Variants in TTC27 observed in about 807,000 individuals in gnomAD.
The protein encoded by TTC27 is tetratricopeptide repeat domain 27, also known as tetratricopeptide repeat protein 27.
In TTC27, 79 loss-of-function variants were observed where a neutral mutation model predicts 115.9. That is an observed-to-expected ratio of 0.68 (90% CI 0.57 to 0.82). The LOEUF is 0.82. Ranked by LOEUF, TTC27 falls within the 40% of genes least tolerant of loss-of-function variation. The pLI is 0.00. For missense variants in TTC27, 1,054 were observed against 993.1 expected, an observed-to-expected ratio of 1.06 and a Z score of -0.82; for synonymous variants, 401 against 356.0, an observed-to-expected ratio of 1.13 and a Z score of -1.42.
intron 7 of TTC27, 134 bp downstream of exon 7, chr2:32,666,902 C>A: frequency 9.2e-7 from 1 of 1,090,996 alleles, no homozygotes; most frequent in Non-Finnish European, 1.2e-6. Flanking sequence ...TTAAAGGTTG[C>A]TGAGTCAGGG....
Position 32,755,070 on chromosome 2 carries a change from C to T in TTC27, c.1453-3222C>T, listed in dbSNP as rs184397656. 2.9e-3 allele frequency among the ~76,000 whole-genome samples: 444 copies of T among 152,050 alleles called. 7 individuals carry two copies. The East Asian group carries it at 0.047, about 16-fold the overall frequency. ...CTCCACACTTCTCAGACGGGGCGGC[C>T]GGGCAGAGACGCTCCTCACTTCCTA... On this transcript the variant is annotated intron_variant, in intron 12 of 19. Transcript: ENST00000317907.
chr2:32,660,278 T>C (rs13036103), intron 5 of TTC27, among the ~76,000 whole-genome samples: 2 of 152,174 alleles, frequency 1.3e-5, no homozygotes, highest in African/African-American at 4.8e-5. Flanking sequence ...GATGATGAGC[T>C]TTTTTTCATA....
chr2:32,713,811 G>A (rs992943615), intron 10 of TTC27, among the ~76,000 whole-genome samples: 1 of 152,114 alleles, frequency 6.6e-6, no homozygotes, highest in Non-Finnish European at 1.5e-5. Context: ...TGTGCAAGTT[G>A]TTAAGTAGGT....
At chr2:32,785,807 G>A (rs1395533848) in intron 15 of TTC27, among the ~76,000 whole-genome samples, 1 of 152,108 alleles carries the variant, frequency 6.6e-6, no homozygotes, top group Non-Finnish European at 1.5e-5. Context: ...TGTTGGTCAG[G>A]ATGGCCTTGA....
intron 12 of TTC27, among the ~76,000 whole-genome samples, chr2:32,750,427 T>C (rs1019777576): frequency 6.6e-6 from 1 of 152,222 alleles, no homozygotes; most frequent in East Asian, 1.9e-4. Context: ...ACTTCTGCCT[T>C]TGAAATCCTT....
intron 1 of TTC27, among the ~76,000 whole-genome samples, chr2:32,628,731 T>C (rs2063532046): frequency 7.0e-6 from 1 of 142,368 alleles, no homozygotes; most frequent in Non-Finnish European, 1.5e-5. Context: ...TAAGTAATTT[T>C]ATTTTATCTA....
chr2:32,795,134 A>C (rs1335271569), intron 16 of TTC27, among the ~76,000 whole-genome samples: 11 of 12,248 alleles, frequency 9.0e-4, no homozygotes, highest in African/African-American at 6.3e-3. Flanking sequence ...CATTACAAGA[A>C]AAAAAAAAAA....
At chr2:32,695,888 G>C (rs1022033702) in intron 9 of TTC27, among the ~76,000 whole-genome samples, 3 of 150,438 alleles carry the variant, frequency 2.0e-5, no homozygotes, top group Non-Finnish European at 4.4e-5. Context: ...TGGGCAACAA[G>C]AGTAAAACTC....
intron 9 of TTC27, among the ~76,000 whole-genome samples, chr2:32,679,872 AC>A (rs1236675786): frequency 1.3e-5 from 2 of 151,998 alleles, no homozygotes; most frequent in Non-Finnish European, 1.5e-5. Flanking sequence ...CATGTCTGTA[AC>A]CCCAGCTACT....
intron 14 of TTC27, among the ~76,000 whole-genome samples, chr2:32,781,978 T>G (rs891321116): frequency 6.6e-6 from 1 of 152,210 alleles, no homozygotes; most frequent in Non-Finnish European, 1.5e-5. Flanking sequence ...CACTTAATTT[T>G]TGAGTCATAT....
chr2:32,655,942 A>G (rs1665299324), intron 5 of TTC27, among the ~76,000 whole-genome samples: 1 of 152,208 alleles, frequency 6.6e-6, no homozygotes, highest in Non-Finnish European at 1.5e-5. Flanking sequence ...CAGTTTCACT[A>G]GCCACATTTC....
At chr2:32,726,483 A>G (rs1197147814) in intron 10 of TTC27, among the ~76,000 whole-genome samples, 1 of 152,170 alleles carries the variant, frequency 6.6e-6, no homozygotes, top group Non-Finnish European at 1.5e-5. Context: ...ACATAACAAG[A>G]GTCACCTTTG....
intron 5 of TTC27, among the ~76,000 whole-genome samples, chr2:32,653,950 A>G (rs1665227843): frequency 6.6e-6 from 1 of 152,118 alleles, no homozygotes; most frequent in Non-Finnish European, 1.5e-5. Context: ...TCCATTGTTG[A>G]CTCATTGCTT....
rs964256320 is a variant in TTC27 at position 32,812,542 on chromosome 2, C to T, written c.2235C>T (p.Thr745=). ...QCLSKAYKCD[T]QSNCWEKDIT... is the part of the protein sequence containing the mutation. The stretch of plus-strand genomic sequence containing the variant: ...TCTCAAAGGCATACAAGTGTGACAC[C>T]CAGTCCAATTGTTGGGAGAAAGATA... Residue 745 remains threonine (T), a synonymous_variant, in exon 18 of 20, where the codon ACC becomes ACT. Transcript: ENST00000317907. 6.2e-7 allele frequency: 1 copy of T among 1,613,974 alleles called. No homozygotes were observed. The highest frequency in any genetic ancestry group is 1.7e-5 in the Admixed American group (1 of 60,018).
intron 10 of TTC27, among the ~76,000 whole-genome samples, chr2:32,728,662 G>A (rs1668192068): frequency 1.3e-5 from 2 of 152,210 alleles, no homozygotes; most frequent in South Asian, 4.1e-4. Context: ...GTGGTCTTTG[G>A]AGTCTGACAG....
chr2:32,649,311 TG>T (rs1664992021), intron 4 of TTC27, among the ~76,000 whole-genome samples: 1 of 152,090 alleles, frequency 6.6e-6, no homozygotes, highest in African/African-American at 2.4e-5. Flanking sequence ...GATATAGAGA[TG>T]AATAAGACAT....
At chr2:32,777,817 T>G in intron 13 of TTC27, 65 bp from the exon 14 acceptor site, 3 of 1,502,318 alleles carry the variant, frequency 2.0e-6, no homozygotes, top group Non-Finnish European at 2.8e-6. Flanking sequence ...ATCTTAATAA[T>G]TTTCAGATTA....
intron 10 of TTC27, chr2:32,704,985 A>G: frequency 2.2e-6 from 1 of 464,028 alleles, no homozygotes; most frequent in South Asian, 1.6e-5. Context: ...ATTAATAAAC[A>G]TTTTCAGGAA....
At chr2:32,819,879 C>T (rs548084593) in intron 19 of TTC27, among the ~76,000 whole-genome samples, 128 of 152,322 alleles carry the variant, frequency 8.4e-4, no homozygotes, top group Non-Finnish European at 1.4e-3. Context: ...CCTCCTTACC[C>T]CACAGGGAAG....
Sources: gnomAD v4.1 joint callset for allele counts (sites outside exome capture counted in the v4.1 genomes callset) on GRCh38, gnomAD v4.1.1 for gene constraint, MANE v1.5 for transcripts, NCBI Gene and HGNC (gene_info 2026-07-23, HGNC 2026-07-21) for gene names.